TRPM8: variants seen among roughly 807,000 people sequenced by gnomAD.
TRPM8 encodes the protein transient receptor potential cation channel subfamily M member 8.
TRPM8 carries 110 observed loss-of-function variants against 133.7 expected under a neutral mutation model. The ratio of observed to expected loss-of-function variants is 0.82; its 90% CI spans 0.70 to 0.96. The LOEUF (loss-of-function observed/expected upper bound fraction) is 0.96. TRPM8 is among the 40% of genes least tolerant of loss of function. The pLI, the probability that TRPM8 is intolerant of heterozygous loss-of-function variation, is 0.00. For missense variants in TRPM8, 1,291 were observed against 1,379.5 expected (o/e 0.94, Z 1.02); for synonymous variants, 535 against 532.3 (o/e 1.01, Z -0.07).
chr2:233,972,519 G>A (rs573582275), intron 17 of TRPM8, among the ~76,000 whole-genome samples: 1 of 152,366 alleles, frequency 6.6e-6, no homozygotes, highest in African/African-American at 2.4e-5. Flanking sequence ...TGGAGCAGGG[G>A]GTGGCGCTCG....
chr2:233,927,782 CTTTCTTTCT>C lies in TRPM8; in HGVS notation c.117+1137_117+1145del, dbSNP rs1418972615. Among the ~76,000 whole-genome samples the C allele has an allele frequency of 6.9e-3, 256 of 37,326 alleles. 4 individuals carry two copies. The highest frequency in any genetic ancestry group is 0.012 in the East Asian group (7 of 608). 24.5% of individuals were successfully genotyped at this position (37,326 alleles called of 152,430 possible). A position where few individuals can be genotyped will look rare whatever the true frequency, so the allele number is the denominator to read the frequency against. ...TCTTTCTTTCTTTCTTTCTTTCTTT[CTTTCTTTCT>C]TTTCTTTCCTTCCTTCCTTCCTTCC... On this transcript the variant is annotated intron_variant, in intron 2 of 25. Coordinates refer to ENST00000324695, the MANE Select transcript of TRPM8 (RefSeq NM_024080.5).
At position 234,018,458 on chromosome 2, in the gene TRPM8, C is replaced by T. The variant is rs1204176434; in HGVS notation, c.*1202C>T. ...TTAAAATATCTATTTATTATTAAAACCATTTATAAGGCTTTTTCATAAATG... is the reference window on the plus strand; with the variant it reads ...TTAAAATATCTATTTATTATTAAAATCATTTATAAGGCTTTTTCATAAATG... On this transcript the variant is annotated 3_prime_UTR_variant, in exon 26 of 26. Transcript: ENST00000324695. 2 of 151,438 alleles carry T rather than the reference C, an allele frequency of 1.3e-5. No homozygotes were observed. The highest frequency in any genetic ancestry group is 1.9e-4 in the East Asian group (1 of 5,192). The allele number at this position is 151,438 out of a possible 1,614,324, so 9.4% of individuals were successfully genotyped here. A position where few individuals can be genotyped will look rare whatever the true frequency, so the allele number is the denominator to read the frequency against.
chr2:234,000,026 C>T (rs574040972), intron 22 of TRPM8, among the ~76,000 whole-genome samples: 1 of 152,250 alleles, frequency 6.6e-6, no homozygotes, highest in African/African-American at 2.4e-5. Context: ...GTTTTCCATC[C>T]TTGGAAAAAA....
intron 2 of TRPM8, among the ~76,000 whole-genome samples, chr2:233,927,833 TTCCTTCCTTCCTTCCTTC>T (rs1559516309): frequency 1.0e-4 from 9 of 86,170 alleles, no homozygotes; most frequent in Non-Finnish European, 1.9e-4. Context: ...CCTTCCTTCC[TTCCTTCCTTCCTTCCTTC>T]CTTTCTTTCT....
At chr2:233,955,292 G>A in intron 11 of TRPM8, 42 bp downstream of exon 11, 1 of 1,478,048 alleles carries the variant, frequency 6.8e-7, no homozygotes, top group South Asian at 1.1e-5. Context: ...TGTTGGGTCT[G>A]GACAGTGGTC....
chr2:234,001,423 T>C (rs1181195179), intron 22 of TRPM8, among the ~76,000 whole-genome samples: 1 of 151,774 alleles, frequency 6.6e-6, no homozygotes, highest in Admixed American at 6.6e-5. Context: ...AAAAAAGTGC[T>C]CATAAAATGT....
chr2:233,923,649 G>T (rs1343789643), intron 1 of TRPM8, among the ~76,000 whole-genome samples: 1 of 152,180 alleles, frequency 6.6e-6, no homozygotes, highest in East Asian at 1.9e-4. Context: ...CTTGATTAGG[G>T]TGCCAGCTTC....
chr2:234,002,569 T>A (rs1205844666), intron 22 of TRPM8, among the ~76,000 whole-genome samples: 1 of 152,160 alleles, frequency 6.6e-6, no homozygotes, highest in East Asian at 1.9e-4. Context: ...CCACATGGAA[T>A]TAGGCTTCTC....
At chr2:233,965,788 C>T (rs1691552984) in intron 14 of TRPM8, among the ~76,000 whole-genome samples, 1 of 151,660 alleles carries the variant, frequency 6.6e-6, no homozygotes, top group African/African-American at 2.4e-5. Context: ...ATCTACACTG[C>T]AATTTCTTTG....
intron 17 of TRPM8, among the ~76,000 whole-genome samples, chr2:233,971,209 C>T (rs7605850): frequency 0.46 from 69,408 of 152,004 alleles, 17,463 homozygotes; most frequent in Non-Finnish European, 0.57. Flanking sequence ...TTACAGTTTC[C>T]GAGGTACAAT....
At chr2:233,922,037 A>G (rs1234688327) in intron 1 of TRPM8, among the ~76,000 whole-genome samples, 1 of 152,138 alleles carries the variant, frequency 6.6e-6, no homozygotes, top group African/African-American at 2.4e-5. Context: ...ACTACTGTTT[A>G]TACTCTAAGG....
intron 22 of TRPM8, among the ~76,000 whole-genome samples, chr2:233,999,091 G>A (rs1230053558): frequency 2.0e-5 from 3 of 151,032 alleles, no homozygotes; most frequent in African/African-American, 5.0e-5. Context: ...AAGTCACCCC[G>A]AAACTTGGTT....
chr2:233,955,403 T>A, intron 11 of TRPM8, 153 bp downstream of exon 11: 6 of 597,768 alleles, frequency 1.0e-5, no homozygotes, highest in Non-Finnish European at 1.2e-5. Context: ...TTAATTTCCT[T>A]GTTTGCAGCA....
In TRPM8 at chr2:233,926,527, T is replaced by C; in HGVS notation, c.-5-6T>C. On this transcript the variant is annotated splice_region_variant and splice_polypyrimidine_tract_variant and intron_variant, in intron 1 of 25. Transcript: ENST00000324695. ...CCAAACTTATCCCCTCCAACCATCG[T>C]CACAGAAAAGATGTCCTTTCGGGCA... 6.2e-7 allele frequency: 1 copy of C among 1,611,150 alleles called. No individual in the cohort carries two copies. Among genetic ancestry groups the C allele is most frequent in the Non-Finnish European group, 8.5e-7 (1 of 1,177,350 alleles).
At chr2:233,979,681 T>G (rs1351292906) in intron 17 of TRPM8, among the ~76,000 whole-genome samples, 1 of 152,264 alleles carries the variant, frequency 6.6e-6, no homozygotes, top group Non-Finnish European at 1.5e-5. Flanking sequence ...ACATCTGTCC[T>G]CACAGAAGTT....
rs141014294 is a variant in TRPM8, at chr2:233,999,387, C to T, written c.3130+2871C>T. ...GGCTGTGGCTCAGAAAGTCAGATGA[C>T]GTCACTTCTGCTGCGTTCTATTGGT... On this transcript the variant is annotated intron_variant, in intron 22 of 25. Transcript: ENST00000324695. Among the ~76,000 whole-genome samples, 712 of 152,342 alleles carry T rather than the reference C, an allele frequency of 4.7e-3. 2 individuals are homozygous for T. The highest frequency in any genetic ancestry group is 0.017 in the Middle Eastern group (5 of 294).
intron 12 of TRPM8, among the ~76,000 whole-genome samples, chr2:233,962,902 T>C (rs1691474151): frequency 6.6e-6 from 1 of 152,222 alleles, no homozygotes; most frequent in Non-Finnish European, 1.5e-5. Context: ...GTTGGGATAA[T>C]TGAACTTAAG....
chr2:233,934,795 A>T (rs1196855259), intron 3 of TRPM8, among the ~76,000 whole-genome samples: 2 of 152,250 alleles, frequency 1.3e-5, no homozygotes, highest in Non-Finnish European at 2.9e-5. Context: ...CTGGGAATCC[A>T]TCTGCTTCTG....
intron 24 of TRPM8, among the ~76,000 whole-genome samples, chr2:234,009,283 C>T (rs1157741783): frequency 6.6e-6 from 1 of 152,136 alleles, no homozygotes; most frequent in Non-Finnish European, 1.5e-5. Context: ...AGAAAACAGT[C>T]TATTTTAGTT....
Sources: gnomAD v4.1 joint callset for allele counts (sites outside exome capture counted in the v4.1 genomes callset) on GRCh38, gnomAD v4.1.1 for gene constraint, MANE v1.5 for transcripts, NCBI Gene and HGNC (gene_info 2026-07-23, HGNC 2026-07-21) for gene names.